The following PCDH9 variants were observed in gnomAD, a reference collection of about 807,000 sequenced individuals.
PCDH9 encodes the protein protocadherin 9.
PCDH9 carries 24 observed loss-of-function variants against 70.6 expected under a neutral mutation model. That is an observed-to-expected ratio of 0.34 (90% CI 0.25 to 0.48). PCDH9 has a LOEUF of 0.48. PCDH9 is among the 20% of genes least tolerant of loss of function. The pLI, the probability that PCDH9 is intolerant of heterozygous loss-of-function variation, is 0.99. For missense variants in PCDH9, 1,281 were observed against 1,503.6 expected, an observed-to-expected ratio of 0.85 and a Z score of 2.45; for synonymous variants, 562 against 558.5, an observed-to-expected ratio of 1.01 and a Z score of -0.09.
At chr13:66,830,317 G>A (rs1374737992) in intron 3 of PCDH9, among the ~76,000 whole-genome samples, 2 of 152,040 alleles carry the variant, frequency 1.3e-5, no homozygotes, top group East Asian at 3.9e-4. Flanking sequence ...TGCTTCATTT[G>A]GGGCACTTTG....
intron 3 of PCDH9, among the ~76,000 whole-genome samples, chr13:66,705,645 T>C (rs2139117689): frequency 6.6e-6 from 1 of 152,312 alleles, no homozygotes; most frequent in Middle Eastern, 3.4e-3. Context: ...TGTGAAAATG[T>C]CACATAAAGT....
chr13:67,092,264 T>C (rs2086233005), intron 2 of PCDH9, among the ~76,000 whole-genome samples: 1 of 152,186 alleles, frequency 6.6e-6, no homozygotes, highest in Non-Finnish European at 1.5e-5. Context: ...TTACAATACA[T>C]GCATGTAAAG....
chr13:66,489,538 C>T (rs1032579433), intron 4 of PCDH9, among the ~76,000 whole-genome samples: 6 of 152,152 alleles, frequency 3.9e-5, no homozygotes, highest in African/African-American at 1.4e-4. Flanking sequence ...TCTCAAACTC[C>T]TAGGCTCAAG....
chr13:66,999,865 G>T (rs1403117014), intron 2 of PCDH9, among the ~76,000 whole-genome samples: 3 of 152,140 alleles, frequency 2.0e-5, no homozygotes, highest in Non-Finnish European at 4.4e-5. Flanking sequence ...GGAGAAATAG[G>T]AACACTACAC....
rs191850901 is a variant in PCDH9, at chr13:66,582,885, A to G, written c.3340+48325T>C. Among the ~76,000 whole-genome samples, 294 of 152,244 alleles carry G rather than the reference A, an allele frequency of 1.9e-3. 1 individual carries two copies. The highest frequency in any genetic ancestry group is 6.7e-3 in the African/African-American group (279 of 41,566). On this transcript the variant is annotated intron_variant, in intron 4 of 4. Coordinates refer to ENST00000377865, the MANE Select transcript of PCDH9 (RefSeq NM_203487.3). Reference sequence around the variant, plus strand: ...CTACCTAAATAGTATGGAGGGATAAACAATAAATAGACAACTACATTTGAA... The same window carrying G: ...CTACCTAAATAGTATGGAGGGATAAGCAATAAATAGACAACTACATTTGAA...
At chr13:66,949,109 T>C (rs1432953072) in intron 2 of PCDH9, among the ~76,000 whole-genome samples, 1 of 152,090 alleles carries the variant, frequency 6.6e-6, no homozygotes, top group African/African-American at 2.4e-5. Flanking sequence ...GTTCTGCAGG[T>C]GAAGTGACAA....
intron 2 of PCDH9, among the ~76,000 whole-genome samples, chr13:66,952,252 T>G (rs2083194312): frequency 6.6e-6 from 1 of 152,152 alleles, no homozygotes; most frequent in Admixed American, 6.5e-5. Flanking sequence ...GATACAAGTC[T>G]GTTTCCCTGT....
At chr13:66,494,047 T>C (rs905227737) in intron 4 of PCDH9, among the ~76,000 whole-genome samples, 51 of 152,260 alleles carry the variant, frequency 3.3e-4, no homozygotes, top group African/African-American at 1.2e-3. Flanking sequence ...TAACTTTATG[T>C]TAATTTATCA....
chr13:66,842,299 T>C (rs1023040694), intron 3 of PCDH9, among the ~76,000 whole-genome samples: 1 of 152,176 alleles, frequency 6.6e-6, no homozygotes, highest in African/African-American at 2.4e-5. Flanking sequence ...ATTTAAACAT[T>C]ATACTGAAAA....
intron 3 of PCDH9, among the ~76,000 whole-genome samples, chr13:66,764,077 G>A (rs1393825990): frequency 6.6e-6 from 1 of 151,942 alleles, no homozygotes; most frequent in African/African-American, 2.4e-5. Context: ...GGTATTTCAG[G>A]TGTGAGCCAC....
At chr13:67,000,572 T>G (rs986107604) in intron 2 of PCDH9, among the ~76,000 whole-genome samples, 2 of 151,604 alleles carry the variant, frequency 1.3e-5, no homozygotes, top group Non-Finnish European at 1.5e-5. Flanking sequence ...CAAAATAAAT[T>G]TACAAAAATT....
chr13:66,416,634 A>G (rs560600075), intron 4 of PCDH9, among the ~76,000 whole-genome samples: 77 of 152,286 alleles, frequency 5.1e-4, no homozygotes, highest in African/African-American at 1.8e-3. Context: ...ATCATGGGGT[A>G]TGCTTAGTGT....
chr13:66,616,362 C>T (rs1184032727), intron 4 of PCDH9, among the ~76,000 whole-genome samples: 1 of 149,844 alleles, frequency 6.7e-6, no homozygotes, highest in African/African-American at 2.5e-5. Flanking sequence ...AAGTATAAGT[C>T]TAACATCTAT....
intron 4 of PCDH9, among the ~76,000 whole-genome samples, chr13:66,330,292 A>ATT (rs1016770509): frequency 8.5e-5 from 13 of 152,214 alleles, no homozygotes; most frequent in African/African-American, 3.1e-4. Context: ...CATAGGGTCC[A>ATT]TTTTCAGAAT....
Position 66,929,081 on chromosome 13 carries a change from A to G in PCDH9, c.3037-25476T>C, listed in dbSNP as rs141582765. 4.7e-4 allele frequency among the ~76,000 whole-genome samples: 71 copies of G among 152,258 alleles called. 1 individual carries two copies. Among genetic ancestry groups the G allele is most frequent in the African/African-American group, 1.6e-3 (66 of 41,578 alleles). On this transcript the variant is annotated intron_variant, in intron 2 of 4. Transcript: ENST00000377865. ...TAAATGTACTTACCTTTAAGTTAATAACTTTTTAGCAAAATATGAACATGT... is the reference window on the plus strand; with the variant it reads ...TAAATGTACTTACCTTTAAGTTAATGACTTTTTAGCAAAATATGAACATGT...
intron 2 of PCDH9, among the ~76,000 whole-genome samples, chr13:67,041,844 A>G (rs917960621): frequency 1.2e-4 from 18 of 151,710 alleles, no homozygotes; most frequent in African/African-American, 3.6e-4. Context: ...AAAAAAAAAA[A>G]AAAGAAAAAA....
intron 2 of PCDH9, among the ~76,000 whole-genome samples, chr13:67,129,011 C>T (rs1198048638): frequency 6.6e-6 from 1 of 152,054 alleles, no homozygotes; most frequent in African/African-American, 2.4e-5. Flanking sequence ...CACTTGCCTA[C>T]TGGAAACTGT....
intron 2 of PCDH9, among the ~76,000 whole-genome samples, chr13:67,115,515 A>C (rs1308356956): frequency 6.6e-6 from 1 of 152,200 alleles, no homozygotes; most frequent in African/African-American, 2.4e-5. Context: ...CTTTTCCCAA[A>C]ATAAAGGTGT....
At chr13:67,190,457 A>ATACTT (rs1555317853) in intron 2 of PCDH9, among the ~76,000 whole-genome samples, 4 of 151,162 alleles carry the variant, frequency 2.6e-5, no homozygotes, top group Non-Finnish European at 5.9e-5. Flanking sequence ...TTAAGAGGAA[A>ATACTT]TATTTTGTTT....
Sources: gnomAD v4.1 joint callset for allele counts (sites outside exome capture counted in the v4.1 genomes callset) on GRCh38, gnomAD v4.1.1 for gene constraint, MANE v1.5 for transcripts, NCBI Gene and HGNC (gene_info 2026-07-23, HGNC 2026-07-21) for gene names.